Variants in PEX3 observed in about 807,000 individuals in gnomAD.
The protein encoded by PEX3 is peroxin-3.
Under a neutral mutation model 55.8 loss-of-function variants are expected in PEX3, and 30 were observed. The observed-to-expected ratio is 0.54, with a 90% confidence interval of 0.40 to 0.73. The LOEUF is 0.73. Ranked by LOEUF, PEX3 falls within the 30% of genes least tolerant of loss-of-function variation. The pLI is 0.00. For missense variants in PEX3, 351 were observed against 432.8 expected (o/e 0.81, Z 1.68); for synonymous variants, 135 against 148.4 (o/e 0.91, Z 0.66).
chr6:143,477,343 T>C (rs1780167881), intron 9 of PEX3, among the ~76,000 whole-genome samples: 1 of 152,328 alleles, frequency 6.6e-6, no homozygotes, highest in African/African-American at 2.4e-5. Context: ...AGCTCACCAA[T>C]GTATCTTCAG....
chr6:143,484,331 C>T (rs887339645), intron 10 of PEX3, among the ~76,000 whole-genome samples: 3 of 151,884 alleles, frequency 2.0e-5, no homozygotes, highest in Admixed American at 6.6e-5. Flanking sequence ...TGTTGGGCAA[C>T]GGGGAGAATT....
intron 8 of PEX3, among the ~76,000 whole-genome samples, chr6:143,474,249 A>C (rs1260057859): frequency 1.3e-5 from 2 of 152,132 alleles, no homozygotes; most frequent in Non-Finnish European, 2.9e-5. Flanking sequence ...GGAGTTCGAG[A>C]CCAGTCTGAC....
Position 143,485,050 on chromosome 6 carries a change from C to A in PEX3, c.942-102C>A, listed in dbSNP as rs1049904950. The A allele has an allele frequency of 4.0e-6, 3 of 747,650 alleles. No individual in the cohort carries two copies. Among genetic ancestry groups the A allele is most frequent in the Non-Finnish European group, 4.8e-6 (2 of 418,712 alleles). 46.3% of individuals were successfully genotyped at this position (747,650 alleles called of 1,614,324 possible). On this transcript the variant is annotated intron_variant, in intron 10 of 11. Coordinates refer to ENST00000367591, the MANE Select transcript of PEX3 (RefSeq NM_003630.3). The surrounding 1 kb of genome is among the most constrained non-coding windows in gnomAD (Gnocchi z 5.6). ...GTTTTTTTTCCTTTTTAATAGATTT[C>A]CAAAAATATTCTACAATGGCTATGT...
At chr6:143,472,914 T>C (rs1476950768) in intron 8 of PEX3, among the ~76,000 whole-genome samples, 1 of 152,238 alleles carries the variant, frequency 6.6e-6, no homozygotes, top group Non-Finnish European at 1.5e-5. Context: ...ACTATAGTGT[T>C]GCTAAACACT....
At chr6:143,484,994 A>G (rs1780294712) in intron 10 of PEX3, 158 bp from the exon 11 acceptor site, 2 of 617,762 alleles carry the variant, frequency 3.2e-6, no homozygotes, top group Non-Finnish European at 5.7e-6. Context: ...TGTCAATTAG[A>G]GTTGTTATTT....
At position 143,483,143 on chromosome 6, in the gene PEX3, A is replaced by T. The variant is rs1241534974; in HGVS notation, c.942-2009A>T. ...AAATTTTCTTTCTTAGAAAATGTGC[A>T]TCAAAGACACAGATAATTCACAAAA... On this transcript the variant is annotated intron_variant, in intron 10 of 11. Transcript: ENST00000367591. The surrounding 1 kb of genome is among the most constrained non-coding windows in gnomAD (Gnocchi z 4.3). Among the ~76,000 whole-genome samples the T allele has an allele frequency of 1.3e-5, 2 of 152,156 alleles. No individual in the cohort carries two copies. The highest frequency in any genetic ancestry group is 2.4e-5 in the African/African-American group (1 of 41,458).
Position 143,481,389 on chromosome 6 carries a change from G to A in PEX3, c.941+2191G>A, listed in dbSNP as rs12528069. Reference sequence around the variant, plus strand: ...TTCTTAAAATAATCCTAGGAAATACGTACTAGTATTCTTCATTTTCCAGGT... The same window carrying A: ...TTCTTAAAATAATCCTAGGAAATACATACTAGTATTCTTCATTTTCCAGGT... On this transcript the variant is annotated intron_variant, in intron 10 of 11. Coordinates refer to ENST00000367591, the MANE Select transcript of PEX3 (RefSeq NM_003630.3). Among the ~76,000 whole-genome samples, 587 of 151,836 alleles carry A rather than the reference G, an allele frequency of 3.9e-3. 6 individuals are homozygous for A. Among genetic ancestry groups the A allele is most frequent in the African/African-American group, 0.013 (532 of 41,502 alleles).
intron 7 of PEX3, 60 bp from the exon 8 acceptor site, chr6:143,472,100 T>C (rs1780082841): frequency 1.8e-6 from 2 of 1,085,080 alleles, no homozygotes; most frequent in African/African-American, 1.5e-5. Context: ...AAGAAAAGAG[T>C]GTATATAGGA....
rs184386368 is a variant in PEX3, at chr6:143,486,697, G to C, written c.1038+1449G>C. ...TATCTTTTTATAAAGCCTTTGCCTT[G>C]ATTAGAATGCTAATTTACATAAAAT... On this transcript the variant is annotated intron_variant, in intron 11 of 11. Coordinates refer to ENST00000367591, the MANE Select transcript of PEX3 (RefSeq NM_003630.3). This position sits in a 1 kb window ranked among gnomAD's most constrained non-coding sequence, Gnocchi z 5.0. Among the ~76,000 whole-genome samples, 1 of 152,044 alleles carries C rather than the reference G, an allele frequency of 6.6e-6. No individual in the cohort carries two copies. The highest frequency in any genetic ancestry group is 1.5e-5 in the Non-Finnish European group (1 of 67,996).
chr6:143,459,111 C>A lies in PEX3; in HGVS notation c.100C>A (p.Gln34Lys). 1 of 1,597,582 alleles carries A rather than the reference C, an allele frequency of 6.3e-7. No individual in the cohort carries two copies. Among genetic ancestry groups the A allele is most frequent in the Non-Finnish European group, 8.6e-7 (1 of 1,165,346 alleles). ...GGVYILGKYGQKKIREIQERE... is the reference protein window; with the variant it reads ...GGVYILGKYGKKKIREIQERE... ...AGTATATATTCTGGGGAAATATGGA[C>A]AGAAGAAAATCAGAGAAATACAGGA... The change falls in exon 2 of 12, where the codon CAG becomes AAG. Residue 34 changes from glutamine (Q) to lysine (K), a missense_variant. Coordinates refer to ENST00000367591, the MANE Select transcript of PEX3 (RefSeq NM_003630.3). The surrounding 1 kb of genome is among the most constrained non-coding windows in gnomAD (Gnocchi z 4.2).
rs1328777012 is a variant in PEX3, at chr6:143,486,484, A to C, written c.1038+1236A>C. ...AAAAACAAATGTTTCAATATGGTAA[A>C]AACGCCATTGATACTAATGTTTAGT... is the stretch of plus-strand genomic sequence containing the variant. On this transcript the variant is annotated intron_variant, in intron 11 of 11. Transcript: ENST00000367591. The surrounding 1 kb of genome is among the most constrained non-coding windows in gnomAD (Gnocchi z 5.0). 6.6e-6 allele frequency among the ~76,000 whole-genome samples: 1 copy of C among 152,176 alleles called. No homozygotes were observed. The highest frequency in any genetic ancestry group is 6.6e-5 in the Admixed American group (1 of 15,262).
chr6:143,455,901 A>C (rs1379122567), intron 1 of PEX3, among the ~76,000 whole-genome samples: 1 of 152,212 alleles, frequency 6.6e-6, no homozygotes, highest in Admixed American at 6.5e-5. Flanking sequence ...GTTATTTTCA[A>C]ACTTTTTTTG....
intron 8 of PEX3, among the ~76,000 whole-genome samples, chr6:143,472,628 G>A (rs572626750): frequency 6.6e-6 from 1 of 152,286 alleles, no homozygotes; most frequent in Admixed American, 6.5e-5. Context: ...CTGGGGAACT[G>A]AAGATACAAA....
intron 4 of PEX3, among the ~76,000 whole-genome samples, chr6:143,468,550 T>C (rs1463343770): frequency 6.6e-6 from 1 of 152,182 alleles, no homozygotes. Flanking sequence ...AGGGCCTACG[T>C]ATCTGCTTGT....
In PEX3 at chr6:143,479,224, A is replaced by G. The variant is rs1481409648; in HGVS notation, c.941+26A>G. On this transcript the variant is annotated intron_variant, in intron 10 of 11. Coordinates refer to ENST00000367591, the MANE Select transcript of PEX3 (RefSeq NM_003630.3). This position sits in a 1 kb window ranked among gnomAD's most constrained non-coding sequence, Gnocchi z 4.6. ...GTAAGATGACATATAAAAATGTTAT[A>G]CTAATGAATGCTCTAAAAAAATGGT... 3 of 1,555,234 alleles carry G rather than the reference A, an allele frequency of 1.9e-6. No homozygotes were observed. Among genetic ancestry groups the G allele is most frequent in the East Asian group, 2.2e-5 (1 of 44,466 alleles).
At chr6:143,472,651 G>A (rs998123921) in intron 8 of PEX3, among the ~76,000 whole-genome samples, 8 of 152,092 alleles carry the variant, frequency 5.3e-5, no homozygotes, top group African/African-American at 1.9e-4. Flanking sequence ...CAATTGGTGG[G>A]CTGCAGCGTA....
At position 143,458,135 on chromosome 6, in the gene PEX3, G is replaced by A. The variant is rs1379475741; in HGVS notation, c.74-950G>A. Among the ~76,000 whole-genome samples, 1 of 152,160 alleles carries A rather than the reference G, an allele frequency of 6.6e-6. No individual in the cohort carries two copies. Among genetic ancestry groups the A allele is most frequent in the Non-Finnish European group, 1.5e-5 (1 of 68,010 alleles). ...TTGAAGAGCTTAAGCTTTGGAATGT[G>A]GCTTTTGATCAAGTGTGGCTAACTA... On this transcript the variant is annotated intron_variant, in intron 1 of 11. Coordinates refer to ENST00000367591, the MANE Select transcript of PEX3 (RefSeq NM_003630.3). This position sits in a 1 kb window ranked among gnomAD's most constrained non-coding sequence, Gnocchi z 6.1.
chr6:143,457,562 T>C (rs140106685), intron 1 of PEX3, among the ~76,000 whole-genome samples: 1 of 152,326 alleles, frequency 6.6e-6, no homozygotes, highest in East Asian at 1.9e-4. Context: ...CTACCCACTT[T>C]CTACCTGTGA....
At chr6:143,473,810 C>T (rs372139448) in intron 8 of PEX3, among the ~76,000 whole-genome samples, 344 of 151,906 alleles carry the variant, frequency 2.3e-3, no homozygotes, top group African/African-American at 7.1e-3. Context: ...AGTTCGAGTC[C>T]GTGGTGTGCT....
Sources: allele counts gnomAD v4.1 joint callset (sites outside exome capture counted in the v4.1 genomes callset), GRCh38; gene constraint gnomAD v4.1.1; non-coding constraint Gnocchi (gnomAD v3.1); transcripts MANE v1.5; gene names NCBI Gene and HGNC (gene_info 2026-07-23, HGNC 2026-07-21).